The following USP28 variants were observed in gnomAD, a reference collection of about 807,000 sequenced individuals.
USP28 encodes the protein ubiquitin carboxyl-terminal hydrolase 28.
Under a neutral mutation model 145.0 loss-of-function variants are expected in USP28, and 113 were observed. The ratio of observed to expected loss-of-function variants is 0.78; its 90% CI spans 0.67 to 0.91. The LOEUF (loss-of-function observed/expected upper bound fraction) is 0.91, where lower values mean the gene tolerates loss of function less well. USP28 is among the 40% of genes least tolerant of loss of function. USP28 has a pLI of 0.00. For synonymous variants in USP28, 447 were observed against 450.9 expected (o/e 0.99, Z 0.11); for missense variants, 1,201 against 1,289.6 (o/e 0.93, Z 1.05).
intron 21 of USP28, among the ~76,000 whole-genome samples, chr11:113,804,130 A>C (rs565999052): frequency 6.6e-6 from 1 of 152,220 alleles, no homozygotes; most frequent in Non-Finnish European, 1.5e-5. Flanking sequence ...TTCGGATTTT[A>C]TCCTAATTTC....
rs372052577 is a variant in USP28 at position 113,829,193 on chromosome 11, G to A, written c.1059+4C>T. On this transcript the variant is annotated splice_donor_region_variant and intron_variant, in intron 10 of 24. Transcript: ENST00000003302. ...GGCACAGCAAATAAAGATCTCCAAC[G>A]TACCTCTTGTCCATACTTCACCGAG... 199 of 1,610,850 alleles carry A rather than the reference G, an allele frequency of 1.2e-4. No individual in the cohort carries two copies. The highest frequency in any genetic ancestry group is 3.6e-4 in the East Asian group (16 of 44,874).
intron 12 of USP28, among the ~76,000 whole-genome samples, chr11:113,819,261 C>T (rs1214374223): frequency 1.3e-5 from 2 of 151,670 alleles, no homozygotes; most frequent in Non-Finnish European, 2.9e-5. Context: ...TACAGGTGTG[C>T]GATGCCACGC....
At chr11:113,806,573 G>A (rs374256939) in exon 19 of USP28, 6 of 1,579,454 alleles carry the variant, frequency 3.8e-6, no homozygotes, top group African/African-American at 1.4e-5. Context: ...GCATGGCAGG[G>A]CTCAGCATCA....
intron 13 of USP28, among the ~76,000 whole-genome samples, 191 bp downstream of exon 13, chr11:113,817,467 G>A (rs567132406): frequency 3.2e-4 from 49 of 152,200 alleles, no homozygotes; most frequent in Admixed American, 2.4e-3. Flanking sequence ...ACCATTCTAC[G>A]GATAAGACAA....
chr11:113,829,306 G>A (rs1417304497), exon 10 of USP28: 1 of 1,614,128 alleles, frequency 6.2e-7, no homozygotes, highest in Non-Finnish European at 8.5e-7. Context: ...TACCTGAAGA[G>A]GATACTGGCC....
exon 20 of USP28, chr11:113,804,980 G>A: frequency 1.2e-6 from 2 of 1,614,180 alleles, no homozygotes; most frequent in Non-Finnish European, 1.7e-6. Flanking sequence ...TGAAGTCGAG[G>A]ATCACTGTGA....
In USP28 at chr11:113,815,284, GA is replaced by G; in HGVS notation, c.1561del (p.Ser521ProfsTer18). The G allele has an allele frequency of 6.2e-7, 1 of 1,614,162 alleles. No individual in the cohort carries two copies. Reference sequence around the variant, plus strand: ...AGCTGGCTGTGAAGGCATTTCCATGGAAGACCGAGAAGATGTCAGTGGTTTA... The same window carrying G: ...AGCTGGCTGTGAAGGCATTTCCATGGAGACCGAGAAGATGTCAGTGGTTTA... On this transcript the variant is annotated frameshift_variant, in exon 14 of 25. Transcript: ENST00000003302. LOFTEE classifies it high-confidence loss of function.
chr11:113,804,768 T>A lies in USP28; in HGVS notation c.2580-17A>T. The A allele has an allele frequency of 6.2e-7, 1 of 1,612,364 alleles. No individual in the cohort carries two copies. Among genetic ancestry groups the A allele is most frequent in the Non-Finnish European group, 8.5e-7 (1 of 1,179,966 alleles). Reference sequence around the variant, plus strand: ...CTGATTGATCTGTGTGGGACAAAGTTCAGAAAGCAATGAAAAGGCACAGGG... The same window carrying A: ...CTGATTGATCTGTGTGGGACAAAGTACAGAAAGCAATGAAAAGGCACAGGG... On this transcript the variant is annotated splice_polypyrimidine_tract_variant and intron_variant, in intron 20 of 24. Coordinates refer to ENST00000003302, the Ensembl canonical transcript of USP28.
At chr11:113,859,816 A>G (rs762853890) in intron 1 of USP28, among the ~76,000 whole-genome samples, 4 of 152,260 alleles carry the variant, frequency 2.6e-5, no homozygotes, top group Non-Finnish European at 4.4e-5. Flanking sequence ...AAGAGCCAAC[A>G]GGTTTGCATT....
At chr11:113,837,821 T>C (rs1164865695) in intron 5 of USP28, among the ~76,000 whole-genome samples, 1 of 152,140 alleles carries the variant, frequency 6.6e-6, no homozygotes, top group African/African-American at 2.4e-5. Flanking sequence ...CACCACACAT[T>C]TAAAGTCAAC....
At chr11:113,847,356 C>T (rs1945977918) in intron 3 of USP28, among the ~76,000 whole-genome samples, 1 of 144,092 alleles carries the variant, frequency 6.9e-6, no homozygotes, top group Non-Finnish European at 1.5e-5. Flanking sequence ...TGAAAGATAC[C>T]ACAGTAATAC....
chr11:113,851,555 G>A (rs1282947114), intron 3 of USP28, among the ~76,000 whole-genome samples: 1 of 152,108 alleles, frequency 6.6e-6, no homozygotes, highest in African/African-American at 2.4e-5. Context: ...TAGCACTCTG[G>A]GAGGCTGAGG....
intron 1 of USP28, among the ~76,000 whole-genome samples, chr11:113,874,236 T>G (rs1182139692): frequency 6.6e-6 from 1 of 151,366 alleles, no homozygotes; most frequent in Non-Finnish European, 1.5e-5. Flanking sequence ...CGAATCACCT[T>G]AAGTCGGGAG....
intron 12 of USP28, 144 bp from the exon 13 acceptor site, chr11:113,817,981 A>G: frequency 1.3e-6 from 1 of 762,550 alleles, no homozygotes; most frequent in Non-Finnish European, 2.0e-6. Context: ...GTCCTCAAAC[A>G]ATCTATAGGG....
chr11:113,837,229 C>T (rs987619910), intron 5 of USP28, among the ~76,000 whole-genome samples: 1 of 152,210 alleles, frequency 6.6e-6, no homozygotes, highest in Non-Finnish European at 1.5e-5. Flanking sequence ...TGAGAATTTA[C>T]ATTCCATGTG....
At chr11:113,861,320 G>C (rs1947672002) in intron 1 of USP28, among the ~76,000 whole-genome samples, 1 of 152,096 alleles carries the variant, frequency 6.6e-6, no homozygotes, top group African/African-American at 2.4e-5. Flanking sequence ...GTCTAAAAAA[G>C]ATAAACAGCA....
Position 113,803,300 on chromosome 11 carries a change from A to G in USP28, c.2739-19T>C. On this transcript the variant is annotated intron_variant, in intron 22 of 24. Coordinates refer to ENST00000003302, the Ensembl canonical transcript of USP28. Reference sequence around the variant, plus strand: ...TTGGTACCTTAGAAAAATGGGAGATAAACAACAGCTGAGTGCTCTTTTACT... The same window carrying G: ...TTGGTACCTTAGAAAAATGGGAGATGAACAACAGCTGAGTGCTCTTTTACT... 6.3e-7 allele frequency: 1 copy of G among 1,597,430 alleles called. No homozygotes were observed. The highest frequency in any genetic ancestry group is 1.1e-5 in the South Asian group (1 of 88,494).
At chr11:113,811,212 T>C (rs1940932336) in intron 16 of USP28, among the ~76,000 whole-genome samples, 1 of 152,178 alleles carries the variant, frequency 6.6e-6, no homozygotes, top group African/African-American at 2.4e-5. Context: ...GTTATCCAGC[T>C]GGAAAATGAA....
At chr11:113,845,946 G>T (rs1945795158) in intron 3 of USP28, among the ~76,000 whole-genome samples, 1 of 152,060 alleles carries the variant, frequency 6.6e-6, no homozygotes, top group Admixed American at 6.6e-5. Flanking sequence ...GCCAAGAGGT[G>T]GAAACAACCC....
Sources: gnomAD v4.1 joint callset for allele counts (sites outside exome capture counted in the v4.1 genomes callset) on GRCh38, gnomAD v4.1.1 for gene constraint, MANE v1.5 for transcripts, NCBI Gene and HGNC (gene_info 2026-07-23, HGNC 2026-07-21) for gene names.